Variants in GPHN observed in about 807,000 individuals in gnomAD.
The protein encoded by GPHN is gephyrin.
In GPHN, 17 loss-of-function variants were observed where a neutral mutation model predicts 95.5. The ratio of observed to expected loss-of-function variants is 0.18; its 90% CI spans 0.12 to 0.27. The LOEUF (loss-of-function observed/expected upper bound fraction) is 0.27. GPHN is among the 10% of genes least tolerant of loss of function. The pLI, the probability that GPHN is intolerant of heterozygous loss-of-function variation, is 1.00. For synonymous variants in GPHN, 320 were observed against 322.5 expected, an observed-to-expected ratio of 0.99 and a Z score of 0.08; for missense variants, 660 against 978.1, an observed-to-expected ratio of 0.67 and a Z score of 4.34.
the GPHN span, chr14:67,557,199 CCA>C: frequency 1.5e-6 from 2 of 1,350,480 alleles, no homozygotes; most frequent in Non-Finnish European, 2.1e-6. Context: ...GTGTCCCATC[CCA>C]CGTTACTGGC....
the GPHN span, chr14:67,645,615 C>T: frequency 6.1e-5 from 97 of 1,602,624 alleles, no homozygotes; most frequent in Non-Finnish European, 7.8e-5. Context: ...AAGCAGAGGG[C>T]CTTCAAGATT....
the GPHN span, chr14:67,616,021 G>A: frequency 3.3e-6 from 1 of 303,136 alleles, no homozygotes; most frequent in Non-Finnish European, 6.5e-6. Flanking sequence ...GCTGAAAAAA[G>A]CAAGAAAAAG....
the GPHN span, among the ~76,000 whole-genome samples, chr14:67,665,259 C>T: frequency 3.2e-5 from 4 of 126,546 alleles, no homozygotes; most frequent in Admixed American, 8.3e-5. Context: ...TCAGTTATAT[C>T]TTTTTTTTTT....
Position 66,772,660 on chromosome 14 carries a change from A to T in GPHN, c.144-3804A>T, listed in dbSNP as rs79949515. Reference sequence around the variant, plus strand: ...AGCACTATTTCTTCCTGAATAGAGTATTCCCCATCCTAATGACCAATTTCA... The same window carrying T: ...AGCACTATTTCTTCCTGAATAGAGTTTTCCCCATCCTAATGACCAATTTCA... On this transcript the variant is annotated intron_variant, in intron 2 of 22. Coordinates refer to ENST00000478722, the MANE Select transcript of GPHN (RefSeq NM_020806.5). Among the ~76,000 whole-genome samples, 99 of 152,336 alleles carry T rather than the reference A, an allele frequency of 6.5e-4. 2 individuals are homozygous for T. The East Asian group carries it at 0.019, about 29-fold the overall frequency.
At chr14:67,639,321 T>C in the GPHN span, among the ~76,000 whole-genome samples, 8 of 152,230 alleles carry the variant, frequency 5.3e-5, no homozygotes, top group South Asian at 1.4e-3. Context: ...TTAATTTCCC[T>C]GTATTTCTTC....
the GPHN span, chr14:67,555,931 C>T: frequency 8.7e-5 from 140 of 1,602,020 alleles, no homozygotes; most frequent in Non-Finnish European, 1.1e-4. Context: ...GGGGAATGAC[C>T]GTCGGCCCTT....
At chr14:67,623,320 G>A in the GPHN span, among the ~76,000 whole-genome samples, 1 of 152,174 alleles carries the variant, frequency 6.6e-6, no homozygotes, top group African/African-American at 2.4e-5. Context: ...CAAATAAACA[G>A]CATGGATCAA....
At chr14:66,754,776 G>C (rs529846098) in intron 2 of GPHN, among the ~76,000 whole-genome samples, 3 of 152,058 alleles carry the variant, frequency 2.0e-5, no homozygotes, top group African/African-American at 7.2e-5. Context: ...ATAGACTTCA[G>C]AGAAGTTGTC....
intron 2 of GPHN, among the ~76,000 whole-genome samples, chr14:66,762,376 T>C (rs2058789895): frequency 6.6e-6 from 1 of 152,174 alleles, no homozygotes; most frequent in South Asian, 2.1e-4. Context: ...ACTGATTATA[T>C]TCCACTGGCC....
At chr14:67,020,441 C>CT (rs1298096096) in intron 9 of GPHN, among the ~76,000 whole-genome samples, 1 of 152,154 alleles carries the variant, frequency 6.6e-6, no homozygotes, top group African/African-American at 2.4e-5. Context: ...AATTTCTTCG[C>CT]TTTTTTTAAG....
At chr14:66,868,652 C>T (rs2063319884) in intron 4 of GPHN, among the ~76,000 whole-genome samples, 2 of 152,080 alleles carry the variant, frequency 1.3e-5, no homozygotes, top group Admixed American at 6.5e-5. Context: ...CCTTGGCTTC[C>T]CAAGGTGCTG....
the GPHN span, among the ~76,000 whole-genome samples, chr14:67,608,114 C>T: frequency 6.6e-6 from 1 of 151,862 alleles, no homozygotes; most frequent in Admixed American, 6.6e-5. Context: ...TGTTGTGGCA[C>T]GTGCCTACTG....
chr14:67,412,766 T>G, the GPHN span, among the ~76,000 whole-genome samples: 2 of 151,786 alleles, frequency 1.3e-5, no homozygotes, highest in South Asian at 2.1e-4. Context: ...TTTTTTGGGG[T>G]TTTTTGTTTG....
At chr14:66,881,175 T>C (rs1038998945) in intron 5 of GPHN, among the ~76,000 whole-genome samples, 4 of 151,958 alleles carry the variant, frequency 2.6e-5, no homozygotes, top group Non-Finnish European at 4.4e-5. Flanking sequence ...TTAGTTACTA[T>C]GTTCTTTTTG....
At chr14:67,358,863 C>T in the GPHN span, among the ~76,000 whole-genome samples, 22 of 152,338 alleles carry the variant, frequency 1.4e-4, no homozygotes, top group Non-Finnish European at 2.8e-4. Flanking sequence ...AAAAGAAAGG[C>T]AGCCCACAAC....
At chr14:67,297,108 A>G in the GPHN span, among the ~76,000 whole-genome samples, 1 of 152,362 alleles carries the variant, frequency 6.6e-6, no homozygotes, top group Middle Eastern at 3.4e-3. Context: ...TGGGGGAAAA[A>G]AAGAAAAATA....
intron 10 of GPHN, among the ~76,000 whole-genome samples, chr14:67,051,531 G>A (rs900458037): frequency 6.6e-5 from 10 of 152,068 alleles, no homozygotes; most frequent in Non-Finnish European, 1.0e-4. Flanking sequence ...GTTGGAAAAC[G>A]TACATCAGGA....
intron 12 of GPHN, among the ~76,000 whole-genome samples, chr14:67,096,616 C>A (rs1449577732): frequency 1.5e-5 from 2 of 134,710 alleles, no homozygotes; most frequent in Admixed American, 1.5e-4. Context: ...TCAAAGCAGT[C>A]TTTTTTTTTT....
chr14:67,050,276 C>T (rs1439303951), intron 10 of GPHN, among the ~76,000 whole-genome samples: 4 of 152,138 alleles, frequency 2.6e-5, no homozygotes, highest in Non-Finnish European at 5.9e-5. Context: ...CACTTTATGA[C>T]AAAGACTTTA....
Sources: allele counts gnomAD v4.1 joint callset (sites outside exome capture counted in the v4.1 genomes callset), GRCh38; gene constraint gnomAD v4.1.1; transcripts MANE v1.5; gene names NCBI Gene and HGNC (gene_info 2026-07-23, HGNC 2026-07-21).